HIVEP2: variants seen among roughly 807,000 people sequenced by gnomAD.
HIVEP2 encodes the protein HIVEP zinc finger 2, also known as transcription factor HIVEP2.
HIVEP2 carries 14 observed loss-of-function variants against 180.7 expected under a neutral mutation model. That is an observed-to-expected ratio of 0.08 (90% CI 0.05 to 0.12). The LOEUF is 0.12. HIVEP2 is among the 10% of genes least tolerant of loss of function. The pLI, the probability that HIVEP2 is intolerant of heterozygous loss-of-function variation, is 1.00. For synonymous variants in HIVEP2, 1,184 were observed against 1,136.4 expected (o/e 1.04, Z -0.84); for missense variants, 2,579 against 3,008.5 (o/e 0.86, Z 3.34).
chr6:142,762,563 T>G (rs185804962), intron 7 of HIVEP2, among the ~76,000 whole-genome samples: 2 of 152,150 alleles, frequency 1.3e-5, no homozygotes, highest in Non-Finnish European at 2.9e-5. Flanking sequence ...GTAAGGCGCC[T>G]TTACATCACT....
intron 1 of HIVEP2, among the ~76,000 whole-genome samples, chr6:142,917,133 T>C (rs1777573422): frequency 6.6e-6 from 1 of 152,208 alleles, no homozygotes; most frequent in Non-Finnish European, 1.5e-5. Flanking sequence ...GGTGATTAGT[T>C]GATAACTTCT....
Position 142,826,515 on chromosome 6 carries a change from T to A in HIVEP2, c.-528+10420A>T, listed in dbSNP as rs144113116. On this transcript the variant is annotated intron_variant, in intron 2 of 9. Transcript: ENST00000367603. ...TGAACAAACATACTAACCCTATCTA[T>A]CCCAGGTCTTCCCATAGAAAAGGAG... Among the ~76,000 whole-genome samples the A allele has an allele frequency of 3.3e-5, 5 of 152,262 alleles. No individual in the cohort carries two copies. In the East Asian group the frequency reaches 9.6e-4, roughly 29 times the overall value.
At chr6:142,940,681 G>A (rs1018619287) in intron 1 of HIVEP2, among the ~76,000 whole-genome samples, 5 of 151,304 alleles carry the variant, frequency 3.3e-5, no homozygotes, top group Non-Finnish European at 5.9e-5. Flanking sequence ...TATACCCTGC[G>A]TGTCTAGCAC....
chr6:142,911,181 A>G (rs1477389826), intron 1 of HIVEP2, among the ~76,000 whole-genome samples: 1 of 151,830 alleles, frequency 6.6e-6, no homozygotes, highest in African/African-American at 2.4e-5. Context: ...AGCACAAACA[A>G]CATTTCAGGG....
Position 142,773,303 on chromosome 6 carries a change from A to G in HIVEP2, c.1436T>C (p.Ile479Thr), listed in dbSNP as rs770913740. 5.0e-6 allele frequency: 8 copies of G among 1,614,042 alleles called. No individual in the cohort carries two copies. The Admixed American group carries it at 1.2e-4, about 24-fold the overall frequency. Residue 479 changes from isoleucine to threonine, a missense_variant, in exon 5 of 10, where the codon ATC (isoleucine) becomes ACC (threonine). Transcript: ENST00000367603. The part of the protein sequence containing the change: ...KMFEDPVSQL[I>T]PSKGDVDPSQ... ...GGGGTCGACATCTCCCTTGCTTGGGATCAGCTGTGAAACAGGATCTTCAAA... is the reference window on the plus strand; with the variant it reads ...GGGGTCGACATCTCCCTTGCTTGGGGTCAGCTGTGAAACAGGATCTTCAAA...
At chr6:142,913,118 G>A (rs116346202) in intron 1 of HIVEP2, among the ~76,000 whole-genome samples, 365 of 152,252 alleles carry the variant, frequency 2.4e-3, no homozygotes, top group African/African-American at 8.5e-3. Flanking sequence ...GACAAAACCA[G>A]GACTCATGGT....
At chr6:142,899,884 G>A (rs951119402) in intron 1 of HIVEP2, among the ~76,000 whole-genome samples, 7 of 152,156 alleles carry the variant, frequency 4.6e-5, no homozygotes, top group Admixed American at 3.3e-4. Flanking sequence ...TGGATCCCTA[G>A]TCTCTGAACC....
At chr6:142,858,988 G>C (rs565779727) in intron 1 of HIVEP2, among the ~76,000 whole-genome samples, 2 of 152,202 alleles carry the variant, frequency 1.3e-5, no homozygotes, top group South Asian at 4.2e-4. Flanking sequence ...CCATAAACTC[G>C]TGGAGCTTGA....
intron 2 of HIVEP2, among the ~76,000 whole-genome samples, chr6:142,819,887 G>A (rs753680810): frequency 1.3e-5 from 2 of 152,108 alleles, no homozygotes; most frequent in Non-Finnish European, 2.9e-5. Flanking sequence ...ATCCATGTCC[G>A]TGCAATAAAA....
At chr6:142,788,986 T>C (rs1018572172) in intron 2 of HIVEP2, among the ~76,000 whole-genome samples, 4 of 152,146 alleles carry the variant, frequency 2.6e-5, no homozygotes, top group Admixed American at 6.5e-5. Flanking sequence ...ACAAATACAT[T>C]TGTCAGATGA....
intron 3 of HIVEP2, among the ~76,000 whole-genome samples, chr6:142,782,225 T>C (rs1309353472): frequency 6.6e-6 from 1 of 152,256 alleles, no homozygotes; most frequent in Non-Finnish European, 1.5e-5. Flanking sequence ...AATACGTGTC[T>C]TATGGTAATA....
intron 1 of HIVEP2, among the ~76,000 whole-genome samples, chr6:142,847,397 TCTG>T (rs1446044025): frequency 2.6e-5 from 4 of 151,834 alleles, no homozygotes; most frequent in Middle Eastern, 3.4e-3. Context: ...CCACTAAGTC[TCTG>T]AAATATGAAG....
chr6:142,807,079 A>C (rs1262622823), intron 2 of HIVEP2, among the ~76,000 whole-genome samples: 1 of 152,190 alleles, frequency 6.6e-6, no homozygotes, highest in African/African-American at 2.4e-5. Context: ...ACTGAGTTAG[A>C]AGGATTTTAA....
intron 1 of HIVEP2, among the ~76,000 whole-genome samples, chr6:142,915,637 A>T (rs1248349702): frequency 6.6e-6 from 1 of 152,010 alleles, no homozygotes; most frequent in African/African-American, 2.4e-5. Context: ...CTCTTTTATT[A>T]TGGACCTCTA....
At chr6:142,909,200 G>C (rs1777341037) in intron 1 of HIVEP2, among the ~76,000 whole-genome samples, 1 of 152,028 alleles carries the variant, frequency 6.6e-6, no homozygotes, top group Non-Finnish European at 1.5e-5. Flanking sequence ...AAATCATTAT[G>C]ATCTATTAAA....
chr6:142,926,932 T>C (rs907045763), intron 1 of HIVEP2, among the ~76,000 whole-genome samples: 6 of 151,902 alleles, frequency 3.9e-5, no homozygotes, highest in African/African-American at 1.5e-4. Flanking sequence ...GAGACGTCAT[T>C]GCATTCATGC....
At chr6:142,923,835 T>C (rs1480473600) in intron 1 of HIVEP2, among the ~76,000 whole-genome samples, 4 of 152,172 alleles carry the variant, frequency 2.6e-5, no homozygotes, top group African/African-American at 7.2e-5. Flanking sequence ...ATAATCCCGA[T>C]GTCCAGAAAG....
intron 1 of HIVEP2, among the ~76,000 whole-genome samples, chr6:142,850,298 A>C (rs1775615929): frequency 6.6e-6 from 1 of 152,252 alleles, no homozygotes; most frequent in Admixed American, 6.5e-5. Flanking sequence ...CACAGTGGAG[A>C]GATAATTATG....
chr6:142,810,127 C>T lies in HIVEP2; in HGVS notation c.-527-26512G>A, dbSNP rs574034525. Among the ~76,000 whole-genome samples the T allele has an allele frequency of 3.3e-5, 5 of 152,268 alleles. No individual in the cohort carries two copies. The South Asian group carries it at 1.0e-3, about 32-fold the overall frequency. On this transcript the variant is annotated intron_variant, in intron 2 of 9. Transcript: ENST00000367603. ...GTCCATAGGGATAACAACACCTACC[C>T]TGCAGAATGTTGTCAGGGCCACAGG...
Sources: gnomAD v4.1 joint callset for allele counts (sites outside exome capture counted in the v4.1 genomes callset) on GRCh38, gnomAD v4.1.1 for gene constraint, MANE v1.5 for transcripts, NCBI Gene and HGNC (gene_info 2026-07-23, HGNC 2026-07-21) for gene names.